The following PYGM variants were observed in gnomAD, a reference collection of about 807,000 sequenced individuals.
The protein encoded by PYGM is glycogen phosphorylase, muscle associated.
Under a neutral mutation model 99.3 loss-of-function variants are expected in PYGM, and 81 were observed. The observed-to-expected ratio is 0.82, with a 90% confidence interval of 0.68 to 0.98. The LOEUF is 0.98. Ranked by LOEUF, PYGM falls within the 50% of genes least tolerant of loss-of-function variation. PYGM has a pLI of 0.00. For synonymous variants in PYGM, 436 were observed against 451.5 expected, an observed-to-expected ratio of 0.97 and a Z score of 0.44; for missense variants, 1,030 against 1,158.1, an observed-to-expected ratio of 0.89 and a Z score of 1.61.
rs768903460 is a variant in PYGM at position 64,754,042 on chromosome 11, G to A, written c.1093-17C>T. 1.3e-6 allele frequency: 2 copies of A among 1,596,420 alleles called. No homozygotes were observed. Among genetic ancestry groups the A allele is most frequent in the South Asian group, 1.1e-5 (1 of 88,886 alleles). ...ATCCCACGCCTGGCACACGGGGTGG[G>A]CAGTCAGGATGCTGACCTCAGCCCA... is the stretch of plus-strand genomic sequence containing the variant. On this transcript the variant is annotated splice_polypyrimidine_tract_variant and intron_variant, in intron 9 of 19. Transcript: ENST00000164139. The surrounding 1 kb of genome is among the most constrained non-coding windows in gnomAD (Gnocchi z 5.5).
Position 64,747,255 on chromosome 11 carries a change from C to T in PYGM, c.2281G>A (p.Asp761Asn), listed in dbSNP as rs149985911. Reference protein sequence around the residue: ...FSPKQPDLFKDIVNMLMHHDR... With the variant: ...FSPKQPDLFKNIVNMLMHHDR... ...TGGTGCATGAGCATATTGACAATGT[C>T]CTTGAACAGGTCGGGCTGTTTGGGG... The change falls in exon 18 of 20, where the codon GAC becomes AAC. Residue 761 changes from aspartate to asparagine, a missense_variant. Transcript: ENST00000164139. The T allele has an allele frequency of 1.9e-6, 3 of 1,614,190 alleles. No individual in the cohort carries two copies. The highest frequency in any genetic ancestry group is 1.1e-5 in the South Asian group (1 of 91,086).
Position 64,746,953 on chromosome 11 carries a change from T to G in PYGM, c.2347A>C (p.Lys783Gln). The G allele has an allele frequency of 6.2e-7, 1 of 1,614,182 alleles. No individual in the cohort carries two copies. ...KVFADYEDYIKCQEKVSALYK... is the reference protein window; with the variant it reads ...KVFADYEDYIQCQEKVSALYK... ...AAGGCGCTGACTTTCTCCTGGCATT[T>G]AATGTAGTCTTCATAATCTGCGAAG... Residue 783 changes from lysine to glutamine, a missense_variant, in exon 19 of 20, where the codon AAA becomes CAA. Physicochemically the swap from Lys to Gln is moderately conservative, Grantham distance 53 (BLOSUM62 1). Transcript: ENST00000164139.
chr11:64,757,875 G>T lies in PYGM; in HGVS notation c.564C>A (p.Asn188Lys), dbSNP rs604595. Residue 188 changes from asparagine to lysine, a missense_variant, in exon 5 of 20, where the codon AAC becomes AAA. Physicochemically the swap from Asn to Lys is moderately conservative, Grantham distance 94 (BLOSUM62 0). Transcript: ENST00000164139. The part of the protein sequence containing the change: ...EEADDWLRYG[N>K]PWEKARPEFT... Reference sequence around the variant, plus strand: ...ACTCGGGCCGGGCCTTCTCCCAGGGGTTGCCGTAGCGAAGCCAGTCATCGG... The same window carrying T: ...ACTCGGGCCGGGCCTTCTCCCAGGGTTTGCCGTAGCGAAGCCAGTCATCGG... 2 of 1,614,156 alleles carry T rather than the reference G, an allele frequency of 1.2e-6. No individual in the cohort carries two copies. Among genetic ancestry groups the T allele is most frequent in the South Asian group, 2.2e-5 (2 of 91,086 alleles).
chr11:64,753,725 C>A (rs1162163920), intron 10 of PYGM, 43 bp from the exon 11 acceptor site: 1 of 1,572,302 alleles, frequency 6.4e-7, no homozygotes, highest in East Asian at 2.3e-5. Context: ...CCCAGGAACC[C>A]CCATCCCCAG....
rs1479030655 is a variant in PYGM, at chr11:64,746,909, A to G, written c.2379+12T>C. 1 of 1,614,074 alleles carries G rather than the reference A, an allele frequency of 6.2e-7. No individual in the cohort carries two copies. Among genetic ancestry groups the G allele is most frequent in the African/African-American group, 1.3e-5 (1 of 74,920 alleles). ...CCAAAGCCCTGCCAACCCCTGGCCC[A>G]GGACCCCTCACCTTGTACAAGGCGC... On this transcript the variant is annotated intron_variant, in intron 19 of 19. Transcript: ENST00000164139.
In PYGM at chr11:64,754,328, A is replaced by C; in HGVS notation, c.1017T>G (p.Asn339Lys). 1 of 1,613,088 alleles carries C rather than the reference A, an allele frequency of 6.2e-7. No individual in the cohort carries two copies. Reference protein sequence around the residue: ...AFPDKVAIQLNDTHPSLAIPE... With the variant: ...AFPDKVAIQLKDTHPSLAIPE... ...GGATGGCCAGGGAGGGGTGGGTGTC[A>C]TTGAGCTGGATGGCCACCTGGGGTA... The change falls in exon 9 of 20, where the codon AAT (asparagine) becomes AAG (lysine). Residue 339 changes from asparagine (N) to lysine (K), a missense_variant. Transcript: ENST00000164139. The surrounding 1 kb of genome is among the most constrained non-coding windows in gnomAD (Gnocchi z 5.5).
In PYGM at chr11:64,746,615, A is replaced by T; in HGVS notation, c.*44T>A. The T allele has an allele frequency of 6.2e-7, 1 of 1,612,598 alleles. No individual in the cohort carries two copies. The highest frequency in any genetic ancestry group is 8.5e-7 in the Non-Finnish European group (1 of 1,179,444). ...TGAGGTGCTGGGGCTGGCCCAAGAGAGTGTGACAGACTCAAGGGCTGGTTT... is the reference window on the plus strand; with the variant it reads ...TGAGGTGCTGGGGCTGGCCCAAGAGTGTGTGACAGACTCAAGGGCTGGTTT... On this transcript the variant is annotated 3_prime_UTR_variant, in exon 20 of 20. Coordinates refer to ENST00000164139, the MANE Select transcript of PYGM (RefSeq NM_005609.4).
rs2058308789 is a variant in PYGM at position 64,746,605 on chromosome 11, G to A, written c.*54C>T. On this transcript the variant is annotated 3_prime_UTR_variant, in exon 20 of 20. Transcript: ENST00000164139. ...ACCCTCTGCATGAGGTGCTGGGGCT[G>A]GCCCAAGAGAGTGTGACAGACTCAA... 6.2e-7 allele frequency: 1 copy of A among 1,609,884 alleles called. No homozygotes were observed. The highest frequency in any genetic ancestry group is 8.5e-7 in the Non-Finnish European group (1 of 1,177,684).
chr11:64,756,972 A>T (rs985606531), intron 5 of PYGM, among the ~76,000 whole-genome samples: 8 of 151,504 alleles, frequency 5.3e-5, no homozygotes, highest in African/African-American at 1.9e-4. Flanking sequence ...CTAATTTTTT[A>T]AATTTTTTTT....
upstream of PYGM, chr11:64,760,192 C>G: frequency 2.2e-6 from 1 of 446,734 alleles, no homozygotes. Context: ...AGGCCTTGCA[C>G]ATGGTCTTCT....
At chr11:64,749,917 C>A (rs1199522160) in intron 17 of PYGM, among the ~76,000 whole-genome samples, 2 of 151,628 alleles carry the variant, frequency 1.3e-5, no homozygotes, top group Non-Finnish European at 2.9e-5. Flanking sequence ...CTCAGCCTCC[C>A]GATCAGCTGG....
intron 17 of PYGM, chr11:64,748,730 T>C (rs754196100): frequency 6.6e-6 from 1 of 152,170 alleles, no homozygotes; most frequent in Non-Finnish European, 1.5e-5. Context: ...ACTAATAACA[T>C]GGAAAATCTC....
chr11:64,750,623 G>A, intron 16 of PYGM, 40 bp from the exon 17 acceptor site: 1 of 1,594,266 alleles, frequency 6.3e-7, no homozygotes, highest in Non-Finnish European at 8.6e-7. Flanking sequence ...ACTCAGGGAA[G>A]ACCCTCACAC....
intron 5 of PYGM, among the ~76,000 whole-genome samples, 168 bp downstream of exon 5, chr11:64,757,611 G>A (rs187150547): frequency 2.0e-4 from 30 of 152,262 alleles, no homozygotes; most frequent in African/African-American, 6.7e-4. Context: ...CTGTGTCCCT[G>A]TCTCCAGTCT....
intron 17 of PYGM, chr11:64,747,663 C>G (rs2058324301): frequency 1.2e-5 from 5 of 412,970 alleles, no homozygotes; most frequent in South Asian, 1.1e-4. Context: ...AGTTTGTTTG[C>G]TCCAAAATGG....
chr11:64,747,095 A>T (rs2058317162), intron 18 of PYGM, 108 bp from the exon 19 acceptor site: 13 of 1,568,136 alleles, frequency 8.3e-6, no homozygotes, highest in Non-Finnish European at 1.1e-5. Flanking sequence ...GGGGACCTAG[A>T]GGGTCATGCT....
chr11:64,747,231 G>T lies in PYGM; in HGVS notation c.2305C>A (p.His769Asn), dbSNP rs746276500. 2 of 1,614,096 alleles carry T rather than the reference G, an allele frequency of 1.2e-6. No homozygotes were observed. ...CCGGGCCAACCAGCTCACCGGTCATGGTGCATGAGCATATTGACAATGTCC... is the reference window on the plus strand; with the variant it reads ...CCGGGCCAACCAGCTCACCGGTCATTGTGCATGAGCATATTGACAATGTCC... ...FKDIVNMLMH[H>N]DRFKVFADYE... Residue 769 changes from histidine (H) to asparagine (N), a missense_variant, in exon 18 of 20, where the codon CAT becomes AAT. His to Asn is a moderately conservative substitution (Grantham distance 68, BLOSUM62 1). Coordinates refer to ENST00000164139, the MANE Select transcript of PYGM (RefSeq NM_005609.4).
intron 18 of PYGM, 78 bp downstream of exon 18, chr11:64,747,137 GACCCGCGTC>G: frequency 6.3e-6 from 10 of 1,583,980 alleles, no homozygotes; most frequent in Non-Finnish European, 8.7e-6. Context: ...CAACTACCAG[GACCCGCGTC>G]CGGCTTCCCC....
At chr11:64,751,738 T>A in intron 14 of PYGM, 83 bp from the exon 15 acceptor site, 2 of 1,560,858 alleles carry the variant, frequency 1.3e-6, no homozygotes, top group Non-Finnish European at 1.8e-6. Flanking sequence ...TGGGACACCG[T>A]AGGCCTGACT....
Sources: gnomAD v4.1 joint callset for allele counts (sites outside exome capture counted in the v4.1 genomes callset) on GRCh38, gnomAD v4.1.1 for gene constraint, Gnocchi (gnomAD v3.1) non-coding constraint, MANE v1.5 for transcripts, NCBI Gene and HGNC (gene_info 2026-07-23, HGNC 2026-07-21) for gene names.